Variants in RAB11FIP3 observed in about 807,000 individuals in gnomAD.
RAB11FIP3 encodes RAB11 family interacting protein 3, also known as rab11 family-interacting protein 3.
In RAB11FIP3, 17 loss-of-function variants were observed where a neutral mutation model predicts 77.8. That is an observed-to-expected ratio of 0.22 (90% CI 0.15 to 0.33). The LOEUF (loss-of-function observed/expected upper bound fraction) is 0.33, where lower values mean the gene tolerates loss of function less well. Ranked by LOEUF, RAB11FIP3 falls within the 10% of genes least tolerant of loss-of-function variation. The pLI, the probability that RAB11FIP3 is intolerant of heterozygous loss-of-function variation, is 1.00. For synonymous variants in RAB11FIP3, 437 were observed against 448.2 expected (o/e 0.98, Z 0.31); for missense variants, 1,005 against 1,011.2 (o/e 0.99, Z 0.08).
In RAB11FIP3 at chr16:510,707, G is replaced by T; in HGVS notation, c.1547G>T (p.Cys516Phe). 1 of 1,612,804 alleles carries T rather than the reference G, an allele frequency of 6.2e-7. No homozygotes were observed. The highest frequency in any genetic ancestry group is 8.5e-7 in the Non-Finnish European group (1 of 1,179,706). The change falls in exon 9 of 14, where the codon TGC becomes TTC. Residue 516 changes from cysteine (C) to phenylalanine (F), a missense_variant. Cys to Phe is a radical substitution (Grantham distance 205). Transcript: ENST00000262305. ...EQLKEQELRA[C>F]EMVLEETRRQ... The stretch of plus-strand genomic sequence containing the variant: ...CTGAAGGAGCAGGAGCTGAGAGCCT[G>T]CGAGATGGTCCTGGAAGAGACCCGG...
intron 7 of RAB11FIP3, 51 bp downstream of exon 7, chr16:503,148 C>A: frequency 6.8e-7 from 1 of 1,473,488 alleles, no homozygotes; most frequent in Non-Finnish European, 9.4e-7. Context: ...TAGAACACAG[C>A]CACGCCTAAG....
At chr16:508,534 C>T (rs778856253) in intron 8 of RAB11FIP3, among the ~76,000 whole-genome samples, 5 of 152,150 alleles carry the variant, frequency 3.3e-5, no homozygotes, top group Middle Eastern at 3.4e-3. Flanking sequence ...CCACTGTGCC[C>T]GGCTGATTTT....
chr16:516,378 G>A (rs1379001206), intron 9 of RAB11FIP3, among the ~76,000 whole-genome samples: 1 of 152,166 alleles, frequency 6.6e-6, no homozygotes, highest in Non-Finnish European at 1.5e-5. Flanking sequence ...GCAGCAATGT[G>A]TAGTATCTGA....
chr16:426,701 C>A lies in RAB11FIP3; in HGVS notation c.695C>A (p.Thr232Lys). 6.6e-7 allele frequency: 1 copy of A among 1,526,414 alleles called. No homozygotes were observed. Among genetic ancestry groups the A allele is most frequent in the Non-Finnish European group, 8.8e-7 (1 of 1,135,900 alleles). 94.6% of individuals were successfully genotyped at this position (1,526,414 alleles called of 1,614,324 possible). A position where few individuals can be genotyped will look rare whatever the true frequency, so the allele number is the denominator to read the frequency against. ...VRIEDFIQFA[T>K]VYGAEQVKDL... ...ATCGAGGACTTCATCCAGTTTGCTA[C>A]GGTCTACGGGGCAGAGCAGGTACGG... is the stretch of plus-strand genomic sequence containing the variant. The change falls in exon 1 of 14, where the codon ACG (threonine) becomes AAG (lysine). Residue 232 changes from threonine to lysine, a missense_variant. By Grantham distance (78) the Thr-to-Lys change is moderately conservative. Coordinates refer to ENST00000262305, the MANE Select transcript of RAB11FIP3 (RefSeq NM_014700.4). This position sits in a 1 kb window ranked among gnomAD's most constrained non-coding sequence, Gnocchi z 5.0.
At position 426,664 on chromosome 16, in the gene RAB11FIP3, G is replaced by A. The variant is rs746022122; in HGVS notation, c.658G>A (p.Gly220Ser). The A allele has an allele frequency of 4.5e-6, 7 of 1,559,162 alleles. No homozygotes were observed. Among genetic ancestry groups the A allele is most frequent in the African/African-American group, 4.2e-5 (3 of 72,118 alleles). ...CGATGCCCTGGACGGGGATGGGGAC[G>A]GTTTCGTCCGCATCGAGGACTTCAT... The part of the protein sequence containing the change: ...VFDALDGDGD[G>S]FVRIEDFIQF... The change falls in exon 1 of 14, where the codon GGT becomes AGT. Residue 220 changes from glycine to serine, a missense_variant. Gly to Ser is a moderately conservative substitution (Grantham distance 56, BLOSUM62 0). This residue lies in a region of RAB11FIP3 where 466 missense variants were observed against 408.3 expected (regional missense o/e 1.14). Transcript: ENST00000262305. The surrounding 1 kb of genome is among the most constrained non-coding windows in gnomAD (Gnocchi z 5.0).
At chr16:519,120 G>A (rs751252459) in intron 10 of RAB11FIP3, 96 bp downstream of exon 10, 5 of 1,319,588 alleles carry the variant, frequency 3.8e-6, no homozygotes, top group Non-Finnish European at 5.4e-6. Context: ...TGCTGAGCGG[G>A]ATACTGTGCT....
chr16:441,580 C>T (rs765675367), intron 1 of RAB11FIP3, among the ~76,000 whole-genome samples: 3 of 152,192 alleles, frequency 2.0e-5, no homozygotes, highest in Admixed American at 6.5e-5. Context: ...CGTTGCCTCT[C>T]TAAATTGATC....
intron 1 of RAB11FIP3, among the ~76,000 whole-genome samples, chr16:441,260 C>T (rs1283269984): frequency 1.3e-5 from 2 of 152,246 alleles, no homozygotes; most frequent in Non-Finnish European, 2.9e-5. Context: ...TTTCTTCAAG[C>T]CTGTTCCTGA....
At chr16:466,191 T>C (rs980748688) in intron 2 of RAB11FIP3, among the ~76,000 whole-genome samples, 1 of 152,060 alleles carries the variant, frequency 6.6e-6, no homozygotes, top group Admixed American at 6.6e-5. Flanking sequence ...TGCAGGAGAT[T>C]TGGGCTGGAG....
At chr16:463,464 G>A (rs1157950699) in intron 2 of RAB11FIP3, among the ~76,000 whole-genome samples, 1 of 110,120 alleles carries the variant, frequency 9.1e-6, no homozygotes, top group Non-Finnish European at 1.8e-5. Flanking sequence ...TTGAGACAGA[G>A]TTTTGCTCTT....
chr16:520,127 C>T lies in RAB11FIP3; in HGVS notation c.1866C>T (p.Ile622=), dbSNP rs1480202632. 1.7e-5 allele frequency: 27 copies of T among 1,545,432 alleles called. No individual in the cohort carries two copies. The highest frequency in any genetic ancestry group is 1.2e-4 in the Admixed American group (6 of 51,112). The change falls in exon 12 of 14, where the codon ATC becomes ATT. Residue 622 remains isoleucine (I), a synonymous_variant. Coordinates refer to ENST00000262305, the MANE Select transcript of RAB11FIP3 (RefSeq NM_014700.4). ...ACTGCACGGTTGCCCTGCAGCTGAT[C>T]GAGGACCTCCGAAAGCAGCTGGAGC... ...QRDKEATQEL[I]EDLRKQLEHL... is the part of the protein sequence containing the mutation.
At chr16:496,342 A>G (rs997700410) in intron 5 of RAB11FIP3, among the ~76,000 whole-genome samples, 3 of 152,260 alleles carry the variant, frequency 2.0e-5, no homozygotes, top group African/African-American at 7.2e-5. Context: ...CTGAAATGGC[A>G]ACGGGAAAGG....
chr16:499,106 G>A (rs1405549148), intron 6 of RAB11FIP3, among the ~76,000 whole-genome samples: 1 of 152,168 alleles, frequency 6.6e-6, no homozygotes, highest in African/African-American at 2.4e-5. Flanking sequence ...CAGCTACTCA[G>A]GAGACTGAGG....
chr16:425,688 G>A lies in RAB11FIP3; in HGVS notation c.-319G>A, dbSNP rs950174521. The A allele has an allele frequency of 1.0e-4, 27 of 267,360 alleles. No individual in the cohort carries two copies. The highest frequency in any genetic ancestry group is 6.1e-4 in the African/African-American group (27 of 44,074). 16.6% of individuals were successfully genotyped at this position (267,360 alleles called of 1,614,324 possible). ...CCTCATCCTGCTTCACAGGCTCCGC[G>A]GCCTCCGGCCTCCTCGGCCCCCGTC... On this transcript the variant is annotated 5_prime_UTR_variant, in exon 1 of 14. Transcript: ENST00000262305.
intron 3 of RAB11FIP3, chr16:474,828 G>C: frequency 1.4e-6 from 2 of 1,420,384 alleles, no homozygotes; most frequent in Non-Finnish European, 1.8e-6. Flanking sequence ...TCCCCTCCCT[G>C]GGCAACACCA....
At chr16:457,562 A>G (rs1290536011) in intron 1 of RAB11FIP3, among the ~76,000 whole-genome samples, 1 of 151,574 alleles carries the variant, frequency 6.6e-6, no homozygotes. Context: ...GACTTGGAGA[A>G]TTAGAACTAT....
At chr16:460,078 C>T (rs866148038) in intron 1 of RAB11FIP3, among the ~76,000 whole-genome samples, 4 of 151,952 alleles carry the variant, frequency 2.6e-5, no homozygotes, top group African/African-American at 7.3e-5. Flanking sequence ...GGTTTCTCCA[C>T]GTTGGTCAGG....
chr16:426,655 G>C lies in RAB11FIP3; in HGVS notation c.649G>C (p.Asp217His), dbSNP rs1358300859. The change falls in exon 1 of 14, where the codon GAT (aspartate) becomes CAT (histidine). Residue 217 changes from aspartate (D) to histidine (H), a missense_variant. Around this residue, in one of 4 missense-constraint regions of RAB11FIP3, gnomAD observed 466 missense variants for 408.3 expected, o/e 1.14. Coordinates refer to ENST00000262305, the MANE Select transcript of RAB11FIP3 (RefSeq NM_014700.4). This position sits in a 1 kb window ranked among gnomAD's most constrained non-coding sequence, Gnocchi z 5.0. ...LRAVFDALDG[D>H]GDGFVRIEDF... ...AGCCGTGTTCGATGCCCTGGACGGG[G>C]ATGGGGACGGTTTCGTCCGCATCGA... 39 of 1,573,788 alleles carry C rather than the reference G, an allele frequency of 2.5e-5. No homozygotes were observed. The highest frequency in any genetic ancestry group is 3.4e-5 in the Non-Finnish European group (39 of 1,161,434).
intron 1 of RAB11FIP3, among the ~76,000 whole-genome samples, chr16:443,647 C>G (rs1191796510): frequency 6.6e-6 from 1 of 152,138 alleles, no homozygotes; most frequent in Non-Finnish European, 1.5e-5. Flanking sequence ...CTCACTGCAA[C>G]CTCTGCCTCC....
Sources: gnomAD v4.1 joint callset for allele counts (sites outside exome capture counted in the v4.1 genomes callset) on GRCh38, gnomAD v4.1.1 for gene constraint, gnomAD v4.1.1 regional missense constraint, Gnocchi (gnomAD v3.1) non-coding constraint, MANE v1.5 for transcripts, NCBI Gene and HGNC (gene_info 2026-07-23, HGNC 2026-07-21) for gene names.